The following ST6GALNAC5 variants were observed in gnomAD, a reference collection of about 807,000 sequenced individuals.
ST6GALNAC5 encodes ST6 N-acetylgalactosaminide alpha-2,6-sialyltransferase 5.
A neutral mutation model predicts 33.6 loss-of-function variants in ST6GALNAC5; 27 were observed. That is an observed-to-expected ratio of 0.80 (90% confidence interval 0.59 to 1.11). ST6GALNAC5 has a LOEUF of 1.11. Among genes scored for constraint, ST6GALNAC5 ranks in the 50% least tolerant of loss-of-function variants. The probability of loss-of-function intolerance (pLI) is 0.00; values close to 1 mark genes in which losing one functional copy is unlikely to be tolerated. For missense variants in ST6GALNAC5, 428 were observed against 454.0 expected, an observed-to-expected ratio of 0.94 and a Z score of 0.52; for synonymous variants, 194 against 171.2, an observed-to-expected ratio of 1.13 and a Z score of -1.04.
intron 2 of ST6GALNAC5, among the ~76,000 whole-genome samples, chr1:76,970,711 A>G (rs2100364831): frequency 6.6e-6 from 1 of 152,322 alleles, no homozygotes; most frequent in South Asian, 2.1e-4. Flanking sequence ...AGAGAACACC[A>G]CAAAGATACT....
At position 77,063,322 on chromosome 1, in the gene ST6GALNAC5, A is replaced by T. The variant is rs907266928; in HGVS notation, c.*116A>T. On this transcript the variant is annotated 3_prime_UTR_variant, in exon 5 of 5. Coordinates refer to ENST00000477717, the MANE Select transcript of ST6GALNAC5 (RefSeq NM_030965.3). ...GCAGAAAACAGCTTCACTCCTCAGGAAGTACCATGGACAGACGCCTACCAG... is the reference window on the plus strand; with the variant it reads ...GCAGAAAACAGCTTCACTCCTCAGGTAGTACCATGGACAGACGCCTACCAG... 4.7e-5 allele frequency: 43 copies of T among 905,278 alleles called. No homozygotes were observed. The highest frequency in any genetic ancestry group is 6.5e-5 in the Non-Finnish European group (38 of 586,440). The allele number at this position is 905,278 out of a possible 1,614,324, so 56.1% of individuals were successfully genotyped here. A position where few individuals can be genotyped will look rare whatever the true frequency, so the allele number is the denominator to read the frequency against.
At chr1:76,963,753 G>A (rs1648342543) in intron 2 of ST6GALNAC5, among the ~76,000 whole-genome samples, 5 of 152,166 alleles carry the variant, frequency 3.3e-5, no homozygotes, top group African/African-American at 1.2e-4. Flanking sequence ...ACCTTTAAAT[G>A]TGTTACCTTA....
chr1:77,056,009 A>G (rs577010314), intron 4 of ST6GALNAC5, among the ~76,000 whole-genome samples: 1 of 152,310 alleles, frequency 6.6e-6, no homozygotes, highest in African/African-American at 2.4e-5. Flanking sequence ...TGAGAAGTCA[A>G]TGAGGGCCAC....
At chr1:77,060,340 T>C (rs1652535297) in intron 4 of ST6GALNAC5, 1 of 152,168 alleles carries the variant, frequency 6.6e-6, no homozygotes, top group African/African-American at 2.4e-5. Context: ...AGGTTTATTG[T>C]AGTTTTCACT....
intron 2 of ST6GALNAC5, among the ~76,000 whole-genome samples, chr1:77,006,673 T>C (rs546540564): frequency 2.0e-5 from 3 of 152,130 alleles, no homozygotes; most frequent in African/African-American, 7.2e-5. Flanking sequence ...ATCAGATAAT[T>C]TGAGAAACAT....
chr1:76,911,753 G>A (rs1224303128), intron 2 of ST6GALNAC5, among the ~76,000 whole-genome samples: 6 of 152,174 alleles, frequency 3.9e-5, no homozygotes, highest in African/African-American at 7.2e-5. Context: ...AGTATTCTCT[G>A]ATGGTAGTTT....
At chr1:76,916,985 A>C (rs1198348837) in intron 2 of ST6GALNAC5, among the ~76,000 whole-genome samples, 1 of 152,208 alleles carries the variant, frequency 6.6e-6, no homozygotes, top group Non-Finnish European at 1.5e-5. Context: ...AGAAAAATAG[A>C]AATTCTAAAT....
intron 2 of ST6GALNAC5, among the ~76,000 whole-genome samples, chr1:76,991,402 C>T (rs1221059514): frequency 6.6e-6 from 1 of 152,080 alleles, no homozygotes; most frequent in African/African-American, 2.4e-5. Context: ...TGAACAAATG[C>T]CTGGATTTGA....
chr1:77,035,803 G>C (rs548375249), intron 2 of ST6GALNAC5, among the ~76,000 whole-genome samples: 2 of 152,296 alleles, frequency 1.3e-5, no homozygotes, highest in African/African-American at 2.4e-5. Context: ...GAACTAGTGG[G>C]TGGGAATATA....
chr1:76,943,554 C>G (rs1325402726), intron 2 of ST6GALNAC5, among the ~76,000 whole-genome samples: 1 of 152,046 alleles, frequency 6.6e-6, no homozygotes, highest in African/African-American at 2.4e-5. Context: ...TTAAGAGTCC[C>G]TGATCACAGA....
chr1:77,016,622 C>G (rs1275701176), intron 2 of ST6GALNAC5, among the ~76,000 whole-genome samples: 2 of 152,050 alleles, frequency 1.3e-5, no homozygotes, highest in African/African-American at 2.4e-5. Context: ...AGGCCAGGCT[C>G]TCTGTCCCAG....
chr1:77,054,679 C>G (rs1244301292), intron 4 of ST6GALNAC5, among the ~76,000 whole-genome samples: 1 of 152,084 alleles, frequency 6.6e-6, no homozygotes, highest in African/African-American at 2.4e-5. Flanking sequence ...AACTGCCAAG[C>G]AATCCGTGAG....
At chr1:77,062,332 C>A (rs769904695) in intron 4 of ST6GALNAC5, among the ~76,000 whole-genome samples, 13 of 152,054 alleles carry the variant, frequency 8.5e-5, no homozygotes, top group Admixed American at 2.0e-4. Flanking sequence ...CAGGTAAGGC[C>A]TCTCAGAGAA....
At chr1:76,957,831 A>G (rs1401645257) in intron 2 of ST6GALNAC5, among the ~76,000 whole-genome samples, 1 of 152,162 alleles carries the variant, frequency 6.6e-6, no homozygotes, top group Non-Finnish European at 1.5e-5. Context: ...AACATTCTTT[A>G]TAGCTGATGG....
At chr1:76,971,250 C>T (rs976819617) in intron 2 of ST6GALNAC5, among the ~76,000 whole-genome samples, 7 of 152,072 alleles carry the variant, frequency 4.6e-5, no homozygotes, top group Non-Finnish European at 5.9e-5. Context: ...CGTGATGCGT[C>T]GTGATGTCTT....
chr1:76,965,531 C>T (rs1417559897), intron 2 of ST6GALNAC5, among the ~76,000 whole-genome samples: 1 of 152,148 alleles, frequency 6.6e-6, no homozygotes, highest in Non-Finnish European at 1.5e-5. Flanking sequence ...GGGTAGATTG[C>T]AAAAATTTTC....
At chr1:76,897,790 A>G (rs549744195) in intron 2 of ST6GALNAC5, among the ~76,000 whole-genome samples, 3 of 152,316 alleles carry the variant, frequency 2.0e-5, no homozygotes, top group African/African-American at 7.2e-5. Flanking sequence ...GAGTGCTTAA[A>G]AGAGTATTGT....
At chr1:76,971,833 TC>T (rs1201348136) in intron 2 of ST6GALNAC5, among the ~76,000 whole-genome samples, 1 of 152,152 alleles carries the variant, frequency 6.6e-6, no homozygotes, top group Non-Finnish European at 1.5e-5. Context: ...AGTCAAAAAA[TC>T]TTAAGTTGGA....
intron 2 of ST6GALNAC5, among the ~76,000 whole-genome samples, chr1:76,907,634 C>T (rs942386033): frequency 8.5e-5 from 13 of 152,232 alleles, no homozygotes; most frequent in South Asian, 4.2e-4. Flanking sequence ...CACTCTTTGC[C>T]GTGAGTTTAA....
Sources: gnomAD v4.1 joint callset for allele counts (sites outside exome capture counted in the v4.1 genomes callset) on GRCh38, gnomAD v4.1.1 for gene constraint, MANE v1.5 for transcripts, NCBI Gene and HGNC (gene_info 2026-07-23, HGNC 2026-07-21) for gene names.